ELFN2: variants seen among roughly 807,000 people sequenced by gnomAD.
ELFN2 encodes extracellular leucine rich repeat and fibronectin type III domain containing 2.
A neutral mutation model predicts 45.5 loss-of-function variants in ELFN2; 17 were observed. The observed-to-expected ratio is 0.37, with a 90% confidence interval of 0.26 to 0.56. ELFN2 has a LOEUF of 0.56. Ranked by LOEUF, ELFN2 falls within the 20% of genes least tolerant of loss-of-function variation. ELFN2 has a pLI of 0.77. For synonymous variants in ELFN2, 550 were observed against 551.5 expected (o/e 1.00, Z 0.04); for missense variants, 922 against 1,183.2 (o/e 0.78, Z 3.24).
At chr22:37,407,508 A>G (rs562254758) in intron 2 of ELFN2, among the ~76,000 whole-genome samples, 7 of 152,162 alleles carry the variant, frequency 4.6e-5, no homozygotes, top group Non-Finnish European at 1.0e-4. Flanking sequence ...GCTTTGGCAG[A>G]TAGAGGAACG....
chr22:37,344,009 CCCTGCCTATGCCCGCCTGCCCACGCCCA>C (rs1930628368), intron 1 of ELFN2, among the ~76,000 whole-genome samples: 1 of 146,944 alleles, frequency 6.8e-6, no homozygotes, highest in African/African-American at 2.5e-5. Context: ...GCCCATGCCC[CCCTGCCTATGCCCGCCTGCCCACGCCCA>C]CCTGCCCATG....
chr22:37,361,032 C>G (rs913466803), intron 1 of ELFN2, among the ~76,000 whole-genome samples: 10 of 152,124 alleles, frequency 6.6e-5, no homozygotes, highest in African/African-American at 2.4e-4. Context: ...TTAACCCTCA[C>G]CTGAACCATG....
At chr22:37,377,285 C>G (rs1931608179) in intron 2 of ELFN2, among the ~76,000 whole-genome samples, 1 of 152,206 alleles carries the variant, frequency 6.6e-6, no homozygotes, top group African/African-American at 2.4e-5. Context: ...GACCTCAGCC[C>G]CAGCCCCCAC....
chr22:37,374,533 G>A lies in ELFN2; in HGVS notation c.1002C>T (p.Ser334=), dbSNP rs138546342. 1.3e-5 allele frequency: 21 copies of A among 1,614,112 alleles called. No individual in the cohort carries two copies. The highest frequency in any genetic ancestry group is 4.5e-5 in the East Asian group (2 of 44,900). The change falls in exon 3 of 3, where the codon TCC becomes TCT. Residue 334 remains serine, a synonymous_variant. Coordinates refer to ENST00000402918, the MANE Select transcript of ELFN2 (RefSeq NM_052906.5). Reference sequence around the variant, plus strand: ...TCTTGTTCTTGAGGGTCATGACGTCGGAGAAGTAGCTGTTGTTGTACTGCA... The same window carrying A: ...TCTTGTTCTTGAGGGTCATGACGTCAGAGAAGTAGCTGTTGTTGTACTGCA... ...ILVQYNNSYF[S]DVMTLKNKKE... is the part of the protein sequence containing the mutation.
At chr22:37,404,395 G>A (rs927789443) in intron 2 of ELFN2, among the ~76,000 whole-genome samples, 23 of 152,108 alleles carry the variant, frequency 1.5e-4, no homozygotes, top group African/African-American at 5.6e-4. Flanking sequence ...GCAGGATGGA[G>A]AGAGAGACCA....
intron 2 of ELFN2, among the ~76,000 whole-genome samples, chr22:37,411,177 T>C (rs552039625): frequency 6.6e-6 from 1 of 152,258 alleles, no homozygotes; most frequent in East Asian, 1.9e-4. Context: ...ATGGGTAGAA[T>C]TGGGAACTGA....
chr22:37,345,671 C>T lies in ELFN2; in HGVS notation n.149-2968G>A, dbSNP rs146264476. Among the ~76,000 whole-genome samples, 440 of 152,122 alleles carry T rather than the reference C, an allele frequency of 2.9e-3. 3 individuals carry two copies. The Middle Eastern group carries it at 0.038, about 13-fold the overall frequency. On this transcript the variant is annotated intron_variant and non_coding_transcript_variant, in intron 1 of 2. Transcript: ENST00000452946. ...CAAGCAATTCTCCTGCCTCAGCCTCCGGAGTAGCTGGGACTAGAGGTGCGT... is the reference window on the plus strand; with the variant it reads ...CAAGCAATTCTCCTGCCTCAGCCTCTGGAGTAGCTGGGACTAGAGGTGCGT...
chr22:37,349,408 C>A lies in ELFN2; in HGVS notation n.149-6705G>T, dbSNP rs181713614. ...TCCCTGCACCTGCCCCAGTTTGGGG[C>A]AGCCCGGCCTACTTCTCAAGGATGT... On this transcript the variant is annotated intron_variant and non_coding_transcript_variant, in intron 1 of 2. Coordinates refer to ENST00000452946, the Ensembl canonical transcript of ELFN2. 1.7e-3 allele frequency among the ~76,000 whole-genome samples: 262 copies of A among 151,382 alleles called. 3 individuals carry two copies. Among genetic ancestry groups the A allele is most frequent in the African/African-American group, 5.9e-3 (243 of 41,530 alleles).
At chr22:37,403,339 G>A (rs1932412190) in intron 2 of ELFN2, among the ~76,000 whole-genome samples, 1 of 152,142 alleles carries the variant, frequency 6.6e-6, no homozygotes, top group African/African-American at 2.4e-5. Context: ...AATTTAGGAG[G>A]AGTCCCCGAG....
chr22:37,358,202 G>A (rs1017963458), intron 1 of ELFN2, among the ~76,000 whole-genome samples: 3 of 152,108 alleles, frequency 2.0e-5, no homozygotes, highest in African/African-American at 7.2e-5. Context: ...GCCCACGGCT[G>A]CATCGGCCCT....
intron 1 of ELFN2, among the ~76,000 whole-genome samples, chr22:37,346,526 G>A (rs1930699752): frequency 6.6e-6 from 1 of 152,100 alleles, no homozygotes; most frequent in Admixed American, 6.5e-5. Flanking sequence ...GAAAGAAATC[G>A]ATTTCCAAGC....
intron 1 of ELFN2, among the ~76,000 whole-genome samples, chr22:37,360,385 T>C (rs1335218912): frequency 6.6e-6 from 1 of 152,210 alleles, no homozygotes; most frequent in Non-Finnish European, 1.5e-5. Context: ...AAGTACCTTT[T>C]CCTCATTGGA....
chr22:37,417,961 A>C lies in ELFN2; in HGVS notation c.-613-42T>G, dbSNP rs1477474186. ...GGGAGAGAGGGGAGGGAGGGAGAGA[A>C]GGGGAGGAGAGGGAGGGGGGACAGC... is the stretch of plus-strand genomic sequence containing the variant. On this transcript the variant is annotated intron_variant, in intron 1 of 2. Coordinates refer to ENST00000402918, the MANE Select transcript of ELFN2 (RefSeq NM_052906.5). The surrounding 1 kb of genome is among the most constrained non-coding windows in gnomAD (Gnocchi z 4.5). The C allele has an allele frequency of 8.2e-6, 1 of 122,660 alleles. No homozygotes were observed. The highest frequency in any genetic ancestry group is 1.7e-5 in the Non-Finnish European group (1 of 57,230). 7.6% of individuals were successfully genotyped at this position (122,660 alleles called of 1,614,324 possible).
At chr22:37,342,967 G>A (rs994693151) in intron 1 of ELFN2, among the ~76,000 whole-genome samples, 4 of 152,182 alleles carry the variant, frequency 2.6e-5, no homozygotes, top group African/African-American at 9.6e-5. Flanking sequence ...GCAGCTAAGG[G>A]ACAGCTTACC....
At chr22:37,421,999 G>A (rs1189773739) in intron 1 of ELFN2, among the ~76,000 whole-genome samples, 5 of 152,214 alleles carry the variant, frequency 3.3e-5, no homozygotes, top group Admixed American at 3.3e-4. Context: ...TTGGGACTAG[G>A]CCCACGGCAG....
chr22:37,387,956 C>A (rs1175657929), intron 2 of ELFN2, among the ~76,000 whole-genome samples: 2 of 151,870 alleles, frequency 1.3e-5, no homozygotes, highest in Non-Finnish European at 2.9e-5. Context: ...ACGGCCCCTT[C>A]CCCCTCCTCC....
chr22:37,377,679 G>A (rs1000824933), intron 2 of ELFN2, among the ~76,000 whole-genome samples: 2 of 152,186 alleles, frequency 1.3e-5, no homozygotes, highest in African/African-American at 4.8e-5. Context: ...CTACGTCAGA[G>A]GCCATCAGAG....
intron 2 of ELFN2, among the ~76,000 whole-genome samples, chr22:37,409,129 T>C (rs1217760434): frequency 6.6e-6 from 1 of 152,086 alleles, no homozygotes; most frequent in African/African-American, 2.4e-5. Flanking sequence ...TGAGGAAGAC[T>C]AAAGGGATGA....
At chr22:37,355,380 T>C (rs1179125817) in intron 1 of ELFN2, among the ~76,000 whole-genome samples, 1 of 152,234 alleles carries the variant, frequency 6.6e-6, no homozygotes, top group Non-Finnish European at 1.5e-5. Context: ...CCCTCCCTGA[T>C]GTCTCATTGG....
Sources: allele counts gnomAD v4.1 joint callset (sites outside exome capture counted in the v4.1 genomes callset), GRCh38; gene constraint gnomAD v4.1.1; non-coding constraint Gnocchi (gnomAD v3.1); transcripts MANE v1.5; gene names NCBI Gene and HGNC (gene_info 2026-07-23, HGNC 2026-07-21).